The following GRM5 variants were observed in gnomAD, a reference collection of about 807,000 sequenced individuals.
The protein encoded by GRM5 is metabotropic glutamate receptor 5.
Under a neutral mutation model 83.1 loss-of-function variants are expected in GRM5, and 19 were observed. The observed-to-expected ratio is 0.23, with a 90% CI of 0.16 to 0.34. The LOEUF is 0.34. Among genes scored for constraint, GRM5 ranks in the 10% least tolerant of loss-of-function variants. The pLI, the probability that GRM5 is intolerant of heterozygous loss-of-function variation, is 1.00. For missense variants in GRM5, 1,160 were observed against 1,588.3 expected, an observed-to-expected ratio of 0.73 and a Z score of 4.58; for synonymous variants, 675 against 633.6, an observed-to-expected ratio of 1.07 and a Z score of -0.98.
intron 9 of GRM5, among the ~76,000 whole-genome samples, chr11:88,524,676 G>C (rs1941821303): frequency 6.6e-6 from 1 of 152,228 alleles, no homozygotes; most frequent in Non-Finnish European, 1.5e-5. Flanking sequence ...CACAGCGACA[G>C]AGAATGTTCA....
intron 2 of GRM5, among the ~76,000 whole-genome samples, chr11:88,934,286 T>C (rs944611543): frequency 4.0e-5 from 6 of 151,838 alleles, no homozygotes; most frequent in East Asian, 1.9e-4. Context: ...AAACTGTCAA[T>C]TGATTTCAAA....
At chr11:89,014,162 T>C (rs1940786637) in intron 2 of GRM5, among the ~76,000 whole-genome samples, 1 of 152,028 alleles carries the variant, frequency 6.6e-6, no homozygotes, top group Non-Finnish European at 1.5e-5. Flanking sequence ...CACAAACACA[T>C]AATCACAAAT....
chr11:88,897,898 G>T (rs1235261397), intron 2 of GRM5, among the ~76,000 whole-genome samples: 1 of 151,972 alleles, frequency 6.6e-6, no homozygotes, highest in Non-Finnish European at 1.5e-5. Context: ...AACCAGGAAA[G>T]GATGATTGTG....
At chr11:88,958,624 A>G (rs1163273198) in intron 2 of GRM5, among the ~76,000 whole-genome samples, 1 of 152,150 alleles carries the variant, frequency 6.6e-6, no homozygotes, top group South Asian at 2.1e-4. Flanking sequence ...CAGTGAAGGT[A>G]TTTTAAGATA....
chr11:88,554,318 T>C (rs1251380770), intron 8 of GRM5, among the ~76,000 whole-genome samples: 1 of 152,116 alleles, frequency 6.6e-6, no homozygotes, highest in Admixed American at 6.6e-5. Flanking sequence ...TGTGATCACA[T>C]TGGGCCCACT....
intron 3 of GRM5, among the ~76,000 whole-genome samples, chr11:88,754,427 TTAAAA>T (rs1942353193): frequency 1.3e-5 from 2 of 152,104 alleles, no homozygotes; most frequent in Non-Finnish European, 2.9e-5. Flanking sequence ...ACTCCTGAAC[TTAAAA>T]TAAAAGTTGA....
intron 2 of GRM5, among the ~76,000 whole-genome samples, chr11:88,987,318 A>G (rs631861): frequency 0.61 from 93,342 of 151,946 alleles, 30,169 homozygotes; most frequent in African/African-American, 0.82. Flanking sequence ...AAAAAACGGC[A>G]CACCACGAGA....
In GRM5 at chr11:88,645,073, A is replaced by G. The variant is rs150509996; in HGVS notation, c.1147+8095T>C. Among the ~76,000 whole-genome samples, 1,117 of 152,284 alleles carry G rather than the reference A, an allele frequency of 7.3e-3. 14 individuals carry two copies. The highest frequency in any genetic ancestry group is 0.012 in the Non-Finnish European group (818 of 67,992). On this transcript the variant is annotated intron_variant, in intron 4 of 9. Coordinates refer to ENST00000305447, the MANE Select transcript of GRM5 (RefSeq NM_001143831.3). Reference sequence around the variant, plus strand: ...ACACCCTGATAACCACCACTGAATCAATAAATGACATTGCTACAACCCAGA... The same window carrying G: ...ACACCCTGATAACCACCACTGAATCGATAAATGACATTGCTACAACCCAGA...
intron 4 of GRM5, among the ~76,000 whole-genome samples, chr11:88,610,010 T>C (rs923879854): frequency 6.6e-6 from 1 of 152,332 alleles, no homozygotes; most frequent in African/African-American, 2.4e-5. Context: ...CACTGTTTGT[T>C]ATTACTGACT....
At chr11:88,706,353 G>C (rs559632160) in intron 3 of GRM5, among the ~76,000 whole-genome samples, 4 of 152,120 alleles carry the variant, frequency 2.6e-5, no homozygotes, top group Admixed American at 2.0e-4. Flanking sequence ...CAACATCTGT[G>C]TTCTGGCATT....
At chr11:88,734,260 C>T (rs777498317) in intron 3 of GRM5, among the ~76,000 whole-genome samples, 5 of 151,892 alleles carry the variant, frequency 3.3e-5, no homozygotes, top group African/African-American at 4.8e-5. Flanking sequence ...TCACAAATTA[C>T]GGAGTGATGC....
intron 2 of GRM5, among the ~76,000 whole-genome samples, chr11:89,002,284 T>C (rs1201839389): frequency 6.6e-6 from 1 of 152,176 alleles, no homozygotes; most frequent in Non-Finnish European, 1.5e-5. Flanking sequence ...TATTAAAATG[T>C]GTAAGTTATT....
intron 2 of GRM5, among the ~76,000 whole-genome samples, chr11:88,992,247 C>T (rs1336206968): frequency 6.6e-6 from 1 of 151,926 alleles, no homozygotes; most frequent in Non-Finnish European, 1.5e-5. Context: ...ATTTATGCAG[C>T]CAAAAAACAC....
intron 2 of GRM5, among the ~76,000 whole-genome samples, chr11:88,874,909 C>T (rs1209334686): frequency 6.6e-6 from 1 of 151,864 alleles, no homozygotes; most frequent in Non-Finnish European, 1.5e-5. Flanking sequence ...TTAAAATATG[C>T]TGAAACATGC....
chr11:88,987,301 C>T (rs1218277444), intron 2 of GRM5, among the ~76,000 whole-genome samples: 4 of 151,926 alleles, frequency 2.6e-5, no homozygotes, highest in African/African-American at 7.2e-5. Flanking sequence ...GCTTTTCCGA[C>T]GGGCTTAAAA....
At chr11:88,805,277 C>T (rs11021377) in intron 3 of GRM5, among the ~76,000 whole-genome samples, 8,075 of 152,138 alleles carry the variant, frequency 0.053, 379 homozygotes, top group Admixed American at 0.16. Context: ...CTGCAACCTC[C>T]GCCTCCCGGA....
intron 3 of GRM5, among the ~76,000 whole-genome samples, chr11:88,681,829 A>G (rs1299067524): frequency 2.0e-5 from 3 of 151,714 alleles, no homozygotes; most frequent in South Asian, 2.1e-4. Flanking sequence ...TCAGCCTCCC[A>G]AAGTGCTGAC....
At chr11:88,844,903 G>A (rs1944270946) in intron 3 of GRM5, among the ~76,000 whole-genome samples, 1 of 152,200 alleles carries the variant, frequency 6.6e-6, no homozygotes, top group African/African-American at 2.4e-5. Context: ...TTAAATGGAT[G>A]AGGAATTGCT....
intron 3 of GRM5, among the ~76,000 whole-genome samples, chr11:88,755,656 A>G (rs1440445952): frequency 6.6e-6 from 1 of 152,164 alleles, no homozygotes; most frequent in Admixed American, 6.6e-5. Context: ...TGAGTTAGAG[A>G]CACAGCAAAT....
Sources: gnomAD v4.1 joint callset for allele counts (sites outside exome capture counted in the v4.1 genomes callset) on GRCh38, gnomAD v4.1.1 for gene constraint, MANE v1.5 for transcripts, NCBI Gene and HGNC (gene_info 2026-07-23, HGNC 2026-07-21) for gene names.